The following PDIA5 variants were observed in gnomAD, a reference collection of about 807,000 sequenced individuals.
PDIA5 encodes protein disulfide-isomerase A5.
PDIA5 carries 58 observed loss-of-function variants against 77.6 expected under a neutral mutation model. The observed-to-expected ratio is 0.75, with a 90% CI of 0.61 to 0.93. The LOEUF (loss-of-function observed/expected upper bound fraction) is 0.93, where lower values mean the gene tolerates loss of function less well. Ranked by LOEUF, PDIA5 falls within the 40% of genes least tolerant of loss-of-function variation. The pLI is 0.00. For missense variants in PDIA5, 630 were observed against 647.7 expected, an observed-to-expected ratio of 0.97 and a Z score of 0.30; for synonymous variants, 250 against 252.1, an observed-to-expected ratio of 0.99 and a Z score of 0.08.
chr3:123,160,086 A>G (rs1236880234), intron 15 of PDIA5, among the ~76,000 whole-genome samples: 1 of 152,246 alleles, frequency 6.6e-6, no homozygotes, highest in African/African-American at 2.4e-5. Context: ...CAGACGCTTG[A>G]TAACTGGACT....
chr3:123,085,548 G>C (rs1934117504), intron 1 of PDIA5, among the ~76,000 whole-genome samples: 1 of 152,182 alleles, frequency 6.6e-6, no homozygotes, highest in African/African-American at 2.4e-5. Flanking sequence ...GGATGGACTG[G>C]GTTTTATGGG....
chr3:123,087,539 C>T (rs933132401), intron 1 of PDIA5, among the ~76,000 whole-genome samples: 14 of 151,416 alleles, frequency 9.2e-5, no homozygotes, highest in Admixed American at 9.2e-4. Context: ...AAGAGATTTT[C>T]ACGATTCTCT....
chr3:123,162,068 C>A lies in PDIA5; in HGVS notation c.*108C>A. 3 of 714,330 alleles carry A rather than the reference C, an allele frequency of 4.2e-6. No individual in the cohort carries two copies. Among genetic ancestry groups the A allele is most frequent in the South Asian group, 3.3e-5 (2 of 60,978 alleles). The allele number at this position is 714,330 out of a possible 1,614,324, so 44.2% of individuals were successfully genotyped here. ...CAAATTTTTTATAGCCGCTTATGGC[C>A]ATTTTGTACAATTTTGAAATAAAAT... On this transcript the variant is annotated 3_prime_UTR_variant, in exon 17 of 17. Transcript: ENST00000316218.
intron 10 of PDIA5, among the ~76,000 whole-genome samples, chr3:123,127,077 C>T (rs1160139200): frequency 1.3e-5 from 2 of 152,172 alleles, no homozygotes; most frequent in African/African-American, 4.8e-5. Context: ...AGCTTTATGC[C>T]AACCAGAAGT....
chr3:123,137,568 C>G (rs1935531098), intron 11 of PDIA5, among the ~76,000 whole-genome samples: 2 of 152,296 alleles, frequency 1.3e-5, no homozygotes, highest in Non-Finnish European at 2.9e-5. Flanking sequence ...TACTATGGAT[C>G]AGGCGTTGTT....
At chr3:123,084,761 A>G (rs1235400011) in intron 1 of PDIA5, among the ~76,000 whole-genome samples, 1 of 151,902 alleles carries the variant, frequency 6.6e-6, no homozygotes, top group African/African-American at 2.4e-5. Flanking sequence ...TCACTTACCT[A>G]TGAATAGTCA....
chr3:123,118,444 T>C (rs1448071634), intron 8 of PDIA5, among the ~76,000 whole-genome samples: 1 of 151,930 alleles, frequency 6.6e-6, no homozygotes, highest in Non-Finnish European at 1.5e-5. Context: ...CAGCCCCAAA[T>C]CAGATCACAA....
At chr3:123,157,902 G>A (rs539568316) in intron 15 of PDIA5, among the ~76,000 whole-genome samples, 36 of 152,340 alleles carry the variant, frequency 2.4e-4, no homozygotes, top group African/African-American at 7.5e-4. Context: ...TTCACTGCAC[G>A]TCAAGGTGTG....
intron 10 of PDIA5, among the ~76,000 whole-genome samples, chr3:123,129,016 TGTAGATGGACAGCA>T (rs1324754882): frequency 1.3e-5 from 2 of 152,170 alleles, no homozygotes; most frequent in East Asian, 3.8e-4. Flanking sequence ...CCCTCCCTCG[TGTAGATGGACAGCA>T]GTTTACCTAA....
intron 15 of PDIA5, 145 bp downstream of exon 15, chr3:123,155,186 T>C (rs1935993281): frequency 1.5e-6 from 1 of 667,222 alleles, no homozygotes; most frequent in Non-Finnish European, 2.7e-6. Context: ...ACATTCTCTT[T>C]AGAAGGAAGA....
chr3:123,098,757 G>A (rs951577224), intron 3 of PDIA5, among the ~76,000 whole-genome samples: 12 of 152,222 alleles, frequency 7.9e-5, no homozygotes, highest in East Asian at 5.8e-4. Flanking sequence ...GACAGGGGCC[G>A]GGGAGTCAGG....
At chr3:123,111,115 T>A in intron 7 of PDIA5, 111 bp downstream of exon 7, 1 of 769,072 alleles carries the variant, frequency 1.3e-6, no homozygotes, top group Non-Finnish European at 2.3e-6. Flanking sequence ...GTGCCTGGCT[T>A]AGAACGCTGA....
chr3:123,083,959 T>C (rs1170264710), intron 1 of PDIA5, among the ~76,000 whole-genome samples: 1 of 152,122 alleles, frequency 6.6e-6, no homozygotes, highest in Non-Finnish European at 1.5e-5. Flanking sequence ...TGTCTGCATC[T>C]GTGGTTGTTT....
intron 1 of PDIA5, among the ~76,000 whole-genome samples, chr3:123,076,142 G>T (rs567049199): frequency 6.6e-6 from 1 of 152,182 alleles, no homozygotes; most frequent in East Asian, 1.9e-4. Flanking sequence ...AGCCTCTCGG[G>T]TATTATTCTG....
intron 8 of PDIA5, among the ~76,000 whole-genome samples, chr3:123,117,399 T>TATA (rs60353329): frequency 7.4e-6 from 1 of 135,414 alleles, no homozygotes; most frequent in Non-Finnish European, 1.6e-5. Context: ...TATATATATA[T>TATA]TCTGTTTTAG....
chr3:123,161,219 A>T, intron 15 of PDIA5, 102 bp from the exon 16 acceptor site: 1 of 1,266,724 alleles, frequency 7.9e-7, no homozygotes, highest in Non-Finnish European at 1.1e-6. Flanking sequence ...GAGAAAAATC[A>T]GAGTGGGCCT....
chr3:123,132,998 C>T (rs888481138), intron 11 of PDIA5, among the ~76,000 whole-genome samples: 1 of 152,192 alleles, frequency 6.6e-6, no homozygotes, highest in East Asian at 1.9e-4. Context: ...CGTCAATGTT[C>T]CTGTCGGATG....
chr3:123,154,658 GC>G (rs913959526), intron 14 of PDIA5, among the ~76,000 whole-genome samples: 55 of 152,094 alleles, frequency 3.6e-4, no homozygotes, highest in African/African-American at 1.2e-3. Context: ...AGCTCCCTCT[GC>G]CCCCAAGATC....
Position 123,069,978 on chromosome 3 carries a change from T to G in PDIA5, c.42+2772T>G, listed in dbSNP as rs545765046. Among the ~76,000 whole-genome samples the G allele has an allele frequency of 1.0e-3, 155 of 151,618 alleles. 2 individuals are homozygous for G. In the Middle Eastern group the frequency reaches 0.02, roughly 20 times the overall value. On this transcript the variant is annotated intron_variant, in intron 1 of 16. Coordinates refer to ENST00000316218, the MANE Select transcript of PDIA5 (RefSeq NM_006810.4). ...GGTAGCGGGCGCCTGTAGTCCCAGC[T>G]ACTCAGAAGGCTGAGGCAGGAGAAT...
Sources: gnomAD v4.1 joint callset for allele counts (sites outside exome capture counted in the v4.1 genomes callset) on GRCh38, gnomAD v4.1.1 for gene constraint, MANE v1.5 for transcripts, NCBI Gene and HGNC (gene_info 2026-07-23, HGNC 2026-07-21) for gene names.